ELAPOR2: variants seen among roughly 807,000 people sequenced by gnomAD.
ELAPOR2 encodes endosome-lysosome associated apoptosis and autophagy regulator family member 2.
ELAPOR2 carries 89 observed loss-of-function variants against 120.7 expected under a neutral mutation model. That is an observed-to-expected ratio of 0.74 (90% CI 0.62 to 0.88). The LOEUF is 0.88. Among genes scored for constraint, ELAPOR2 ranks in the 40% least tolerant of loss-of-function variants. ELAPOR2 has a pLI of 0.00. For missense variants in ELAPOR2, 1,134 were observed against 1,251.6 expected (o/e 0.91, Z 1.42); for synonymous variants, 444 against 444.9 (o/e 1.00, Z 0.03).
At chr7:86,924,030 G>T (rs2116209933) in intron 10 of ELAPOR2, among the ~76,000 whole-genome samples, 1 of 152,098 alleles carries the variant, frequency 6.6e-6, no homozygotes, top group Admixed American at 6.5e-5. Context: ...ACTATCCCAG[G>T]GGACAGGCTG....
intron 2 of ELAPOR2, among the ~76,000 whole-genome samples, chr7:86,952,732 G>A (rs959936635): frequency 3.9e-5 from 6 of 152,098 alleles, no homozygotes; most frequent in African/African-American, 1.2e-4. Context: ...GGGAATAAAG[G>A]AGATATATCA....
In ELAPOR2 at chr7:86,925,475, T is replaced by C. The variant is rs767856138; in HGVS notation, c.1399+53A>G. ...TGTTTTAGAGAGCTAAGTTCAAGAATGAATGATGTCTCTATTGCTGAAATA... is the reference window on the plus strand; with the variant it reads ...TGTTTTAGAGAGCTAAGTTCAAGAACGAATGATGTCTCTATTGCTGAAATA... On this transcript the variant is annotated intron_variant, in intron 10 of 21. Coordinates refer to ENST00000450689, the MANE Select transcript of ELAPOR2 (RefSeq NM_001142749.3). 7.7e-5 allele frequency: 122 copies of C among 1,591,610 alleles called. 1 individual carries two copies. The South Asian group carries it at 1.0e-3, about 13-fold the overall frequency.
At chr7:86,968,994 C>A (rs140975152) in intron 1 of ELAPOR2, among the ~76,000 whole-genome samples, 14 of 152,190 alleles carry the variant, frequency 9.2e-5, no homozygotes, top group Non-Finnish European at 1.9e-4. Flanking sequence ...TATATGGAAA[C>A]CAGGAAACAT....
At chr7:87,006,450 C>A (rs1047116044) in intron 1 of ELAPOR2, among the ~76,000 whole-genome samples, 4 of 152,068 alleles carry the variant, frequency 2.6e-5, no homozygotes, top group South Asian at 4.2e-4. Flanking sequence ...GTGCAGCAAA[C>A]CACTATGGCA....
chr7:86,884,811 C>T (rs1584301067), intron 21 of ELAPOR2, among the ~76,000 whole-genome samples: 1 of 152,128 alleles, frequency 6.6e-6, no homozygotes, highest in East Asian at 1.9e-4. Flanking sequence ...GTTTGGTAAG[C>T]AATTCAGAAT....
At chr7:86,881,413 A>G (rs1799397032) in intron 21 of ELAPOR2, among the ~76,000 whole-genome samples, 1 of 150,604 alleles carries the variant, frequency 6.6e-6, no homozygotes, top group South Asian at 2.1e-4. Flanking sequence ...CTGGAGTACA[A>G]TGGTGCAATC....
chr7:87,052,776 C>CTTTTCTTTTG (rs139503925), intron 1 of ELAPOR2, among the ~76,000 whole-genome samples: 2 of 146,994 alleles, frequency 1.4e-5, no homozygotes, highest in Non-Finnish European at 3.0e-5. Flanking sequence ...GGTTTGTTTT[C>CTTTTCTTTTG]TTTTGTTTTG....
At chr7:86,928,746 T>C (rs1325192553) in intron 8 of ELAPOR2, among the ~76,000 whole-genome samples, 1 of 152,000 alleles carries the variant, frequency 6.6e-6, no homozygotes. Flanking sequence ...TGACTTTCAA[T>C]ACATGCAAAC....
At chr7:86,965,104 C>G in intron 1 of ELAPOR2, 80 bp from the exon 2 acceptor site, 1 of 1,460,110 alleles carries the variant, frequency 6.8e-7, no homozygotes, top group Non-Finnish European at 9.4e-7. Flanking sequence ...ACCCCAAGCC[C>G]CTGTTTCCAA....
In ELAPOR2 at chr7:87,010,835, G is replaced by A. The variant is rs116931771; in HGVS notation, c.190-45811C>T. The stretch of plus-strand genomic sequence containing the variant: ...GGTTGGTTGAATCCACAGATGTGCA[G>A]CCCACAGATACAGAGGAACCACTAT... On this transcript the variant is annotated intron_variant, in intron 1 of 21. Transcript: ENST00000450689. Among the ~76,000 whole-genome samples, 379 of 151,782 alleles carry A rather than the reference G, an allele frequency of 2.5e-3. 2 individuals carry two copies. The highest frequency in any genetic ancestry group is 4.5e-3 in the Admixed American group (69 of 15,256).
At chr7:87,004,284 C>T (rs1767693) in intron 1 of ELAPOR2, among the ~76,000 whole-genome samples, 57,493 of 151,980 alleles carry the variant, frequency 0.38, 11,731 homozygotes, top group African/African-American at 0.53. Context: ...GCAAAATAGC[C>T]GCAGGCTAAA....
chr7:86,888,935 T>G (rs1448981951), intron 21 of ELAPOR2, among the ~76,000 whole-genome samples: 2 of 152,150 alleles, frequency 1.3e-5, no homozygotes, highest in African/African-American at 4.8e-5. Flanking sequence ...CCTCCAGGAC[T>G]GCACTTCTTG....
At chr7:87,023,412 C>T (rs1400456521) in intron 1 of ELAPOR2, among the ~76,000 whole-genome samples, 4 of 152,086 alleles carry the variant, frequency 2.6e-5, no homozygotes, top group Non-Finnish European at 5.9e-5. Flanking sequence ...CTGTTCTGTT[C>T]CATTGGTCTA....
At chr7:86,972,200 T>C (rs1792127721) in intron 1 of ELAPOR2, among the ~76,000 whole-genome samples, 1 of 152,076 alleles carries the variant, frequency 6.6e-6, no homozygotes. Context: ...AACCAACCAA[T>C]CAAAGCTCTT....
At chr7:86,961,257 A>C (rs1192288083) in intron 2 of ELAPOR2, among the ~76,000 whole-genome samples, 1 of 152,214 alleles carries the variant, frequency 6.6e-6, no homozygotes, top group Non-Finnish European at 1.5e-5. Context: ...ATCTTCATTT[A>C]GAAAGTGGTG....
intron 16 of ELAPOR2, among the ~76,000 whole-genome samples, chr7:86,908,771 T>G (rs1294563519): frequency 2.0e-5 from 3 of 152,084 alleles, no homozygotes; most frequent in African/African-American, 4.8e-5. Flanking sequence ...TTAAGTCTTT[T>G]CACTTCCCTG....
chr7:86,880,415 G>C lies in ELAPOR2; in HGVS notation c.*56C>G. The C allele has an allele frequency of 7.7e-7, 1 of 1,298,526 alleles. No homozygotes were observed. The highest frequency in any genetic ancestry group is 1.5e-5 in the African/African-American group (1 of 68,304). The allele number at this position is 1,298,526 out of a possible 1,614,324, so 80.4% of individuals were successfully genotyped here. A position where few individuals can be genotyped will look rare whatever the true frequency, so the allele number is the denominator to read the frequency against. ...AGGACAGACCCTAAAATATGGTCCT[G>C]TAAAACTAGAGCAGGTTTCTTTGTT... is the stretch of plus-strand genomic sequence containing the variant. On this transcript the variant is annotated 3_prime_UTR_variant, in exon 22 of 22. Coordinates refer to ENST00000450689, the MANE Select transcript of ELAPOR2 (RefSeq NM_001142749.3).
intron 21 of ELAPOR2, among the ~76,000 whole-genome samples, chr7:86,887,074 T>G (rs1799726750): frequency 6.6e-6 from 1 of 152,200 alleles, no homozygotes; most frequent in Non-Finnish European, 1.5e-5. Flanking sequence ...CTGGCTGTTT[T>G]GTCTGCCACT....
intron 2 of ELAPOR2, among the ~76,000 whole-genome samples, chr7:86,958,096 A>G (rs1791550009): frequency 6.6e-6 from 1 of 152,156 alleles, no homozygotes; most frequent in Non-Finnish European, 1.5e-5. Context: ...CTTGTTCAAT[A>G]TATACTAGCA....
Sources: gnomAD v4.1 joint callset for allele counts (sites outside exome capture counted in the v4.1 genomes callset) on GRCh38, gnomAD v4.1.1 for gene constraint, MANE v1.5 for transcripts, NCBI Gene and HGNC (gene_info 2026-07-23, HGNC 2026-07-21) for gene names.